BCL7A: variants seen among roughly 807,000 people sequenced by gnomAD.
The protein encoded by BCL7A is BAF chromatin remodeling complex subunit BCL7A, also known as B-cell CLL/lymphoma 7 protein family member A.
Under a neutral mutation model 28.4 loss-of-function variants are expected in BCL7A, and 11 were observed. The ratio of observed to expected loss-of-function variants is 0.39; its 90% CI spans 0.24 to 0.64. The LOEUF is 0.64. BCL7A is among the 30% of genes least tolerant of loss of function. The pLI is 0.50. For synonymous variants in BCL7A, 123 were observed against 103.3 expected, an observed-to-expected ratio of 1.19 and a Z score of -1.15; for missense variants, 222 against 274.8, an observed-to-expected ratio of 0.81 and a Z score of 1.36.
intron 3 of BCL7A, among the ~76,000 whole-genome samples, chr12:122,041,780 A>G (rs1327469830): frequency 1.3e-5 from 2 of 152,072 alleles, no homozygotes; most frequent in Non-Finnish European, 2.9e-5. Context: ...TAAAAAATAC[A>G]TAAATGGCTG....
In BCL7A at chr12:122,044,050, G is replaced by A. The variant is rs1338725129; in HGVS notation, c.436G>A (p.Glu146Lys). 3.1e-6 allele frequency: 5 copies of A among 1,613,026 alleles called. No homozygotes were observed. The highest frequency in any genetic ancestry group is 4.2e-6 in the Non-Finnish European group (5 of 1,179,638). The change falls in exon 4 of 6, where the codon GAA (glutamate) becomes AAA (lysine). Residue 146 changes from glutamate (E) to lysine (K), a missense_variant. Transcript: ENST00000261822. The stretch of plus-strand genomic sequence containing the variant: ...TGATGGGAAGGAGCACCCAGGAGCT[G>A]AAGGTATGTGGCCTCTGGAGGTGGG... ...QADGKEHPGA[E>K]DASDEQNSQS...
Position 122,021,957 on chromosome 12 carries a change from TGA to T in BCL7A, c.-133_-132del, listed in dbSNP as rs1555222283. On this transcript the variant is annotated 5_prime_UTR_variant, in exon 1 of 6. An upstream open reading frame in the 5' UTR loses its in-frame stop. Transcript: ENST00000261822. ...GTGTGTGTGTGTGTGTGTGTGTGTG[TGA>T]GTGTGTGCGTGTGAGAGTGCGAGTG... 9.4e-5 allele frequency: 55 copies of T among 583,996 alleles called. No homozygotes were observed. Among genetic ancestry groups the T allele is most frequent in the South Asian group, 4.1e-4 (22 of 53,220 alleles). 36.2% of individuals were successfully genotyped at this position (583,996 alleles called of 1,614,324 possible).
chr12:122,058,102 CA>C lies in BCL7A; in HGVS notation c.562-989del, dbSNP rs376813919. Among the ~76,000 whole-genome samples the C allele has an allele frequency of 1.6e-3, 237 of 151,942 alleles. 3 individuals carry two copies. In the South Asian group the frequency reaches 0.023, roughly 15 times the overall value. On this transcript the variant is annotated intron_variant, in intron 5 of 5. Transcript: ENST00000261822. ...GTCCCAGCTACTCAGGAGGCTGAGGCAGGGGGATCCTCTGAGACCAGGAAGT... is the reference window on the plus strand; with the variant it reads ...GTCCCAGCTACTCAGGAGGCTGAGGCGGGGGATCCTCTGAGACCAGGAAGT...
chr12:122,023,933 C>G (rs1883544377), intron 1 of BCL7A, among the ~76,000 whole-genome samples: 1 of 152,228 alleles, frequency 6.6e-6, no homozygotes, highest in African/African-American at 2.4e-5. Flanking sequence ...AGCCGCCTTT[C>G]TCTGCTCGAG....
chr12:122,048,408 C>G (rs868321440), intron 4 of BCL7A, among the ~76,000 whole-genome samples: 1 of 152,046 alleles, frequency 6.6e-6, no homozygotes, highest in Non-Finnish European at 1.5e-5. Context: ...TTGGAGGGGC[C>G]TCCAGGAATG....
rs75829613 is a variant in BCL7A, at chr12:122,032,170, G to C, written c.174+1389G>C. Reference sequence around the variant, plus strand: ...TTCAGTTATCTGCCCGGCAAGTCTTGGGTCTCTGGGCAGGGCTGTGGCTCC... The same window carrying C: ...TTCAGTTATCTGCCCGGCAAGTCTTCGGTCTCTGGGCAGGGCTGTGGCTCC... On this transcript the variant is annotated intron_variant, in intron 2 of 5. Transcript: ENST00000261822. 5.1e-3 allele frequency among the ~76,000 whole-genome samples: 771 copies of C among 152,298 alleles called. 7 individuals are homozygous for C. The highest frequency in any genetic ancestry group is 0.017 in the African/African-American group (726 of 41,554).
At chr12:122,040,257 G>A (rs944066828) in intron 3 of BCL7A, among the ~76,000 whole-genome samples, 5 of 152,176 alleles carry the variant, frequency 3.3e-5, no homozygotes, top group Admixed American at 6.6e-5. Flanking sequence ...GTGGCTGGCC[G>A]TGGTGGCTCA....
chr12:122,057,393 G>T (rs547889887), intron 5 of BCL7A, among the ~76,000 whole-genome samples: 1 of 152,324 alleles, frequency 6.6e-6, no homozygotes, highest in Non-Finnish European at 1.5e-5. Context: ...TGAGGAACTG[G>T]GTTTGTTCAG....
At chr12:122,051,051 G>A (rs1261045820) in intron 4 of BCL7A, among the ~76,000 whole-genome samples, 3 of 152,296 alleles carry the variant, frequency 2.0e-5, no homozygotes, top group East Asian at 1.9e-4. Flanking sequence ...TTTCTCCCAC[G>A]TTGGGGGTGT....
chr12:122,026,041 G>A (rs1179503823), intron 1 of BCL7A, among the ~76,000 whole-genome samples: 1 of 151,488 alleles, frequency 6.6e-6, no homozygotes, highest in African/African-American at 2.4e-5. Flanking sequence ...AGGCCGAGGA[G>A]GGAGGATCAC....
At chr12:122,033,140 CTTTT>C (rs36082754) in intron 2 of BCL7A, among the ~76,000 whole-genome samples, 1 of 141,428 alleles carries the variant, frequency 7.1e-6, no homozygotes, top group Non-Finnish European at 1.5e-5. Context: ...ATAGAAGTCA[CTTTT>C]TTTTTTTTTT....
intron 5 of BCL7A, among the ~76,000 whole-genome samples, chr12:122,057,092 A>T (rs1328558757): frequency 6.6e-6 from 1 of 152,198 alleles, no homozygotes; most frequent in Non-Finnish European, 1.5e-5. Flanking sequence ...TGAGAGAGTG[A>T]AACAGGGTGA....
intron 3 of BCL7A, among the ~76,000 whole-genome samples, chr12:122,039,183 G>C (rs770645675): frequency 2.6e-5 from 4 of 151,702 alleles, no homozygotes; most frequent in African/African-American, 9.7e-5. Flanking sequence ...TGTAGTCCCA[G>C]CTACTCGGGA....
At chr12:122,056,595 G>A (rs1390459831) in intron 5 of BCL7A, among the ~76,000 whole-genome samples, 1 of 152,114 alleles carries the variant, frequency 6.6e-6, no homozygotes, top group Non-Finnish European at 1.5e-5. Flanking sequence ...GAGGCCAGGA[G>A]TTCGAGACCA....
intron 5 of BCL7A, among the ~76,000 whole-genome samples, chr12:122,056,465 G>A (rs1410464029): frequency 6.6e-6 from 1 of 152,088 alleles, no homozygotes; most frequent in Non-Finnish European, 1.5e-5. Context: ...TGAGTGACAT[G>A]GAGGATGTAC....
chr12:122,042,453 G>A (rs148452397), intron 3 of BCL7A, among the ~76,000 whole-genome samples: 2 of 152,056 alleles, frequency 1.3e-5, no homozygotes, highest in East Asian at 1.9e-4. Flanking sequence ...CCAAGAGTTC[G>A]AGACCAGGCT....
At chr12:122,043,420 G>GGGC (rs1884000485) in intron 3 of BCL7A, among the ~76,000 whole-genome samples, 1 of 132,960 alleles carries the variant, frequency 7.5e-6, no homozygotes, top group Non-Finnish European at 1.6e-5. Context: ...GGTGGGTGGG[G>GGGC]GTCAGGGGGC....
chr12:122,031,724 G>A (rs548126869), intron 2 of BCL7A, among the ~76,000 whole-genome samples: 1 of 152,278 alleles, frequency 6.6e-6, no homozygotes, highest in South Asian at 2.1e-4. Context: ...GGAAAGCCTG[G>A]TGTAGGGATG....
intron 4 of BCL7A, among the ~76,000 whole-genome samples, chr12:122,051,731 C>T (rs1418347051): frequency 6.6e-6 from 1 of 152,094 alleles, no homozygotes. Context: ...CCTGCTGTGC[C>T]CGGCAGAAAA....
Sources: allele counts gnomAD v4.1 joint callset (sites outside exome capture counted in the v4.1 genomes callset), GRCh38; gene constraint gnomAD v4.1.1; transcripts MANE v1.5; gene names NCBI Gene and HGNC (gene_info 2026-07-23, HGNC 2026-07-21).